DIXDC1: variants seen among roughly 807,000 people sequenced by gnomAD.
The protein encoded by DIXDC1 is DIX domain containing 1, also known as dixin.
Under a neutral mutation model 103.1 loss-of-function variants are expected in DIXDC1, and 64 were observed. That is an observed-to-expected ratio of 0.62 (90% CI 0.51 to 0.76). The LOEUF (loss-of-function observed/expected upper bound fraction) is 0.76. DIXDC1 is among the 30% of genes least tolerant of loss of function. The pLI is 0.00. For missense variants in DIXDC1, 759 were observed against 834.2 expected, an observed-to-expected ratio of 0.91 and a Z score of 1.11; for synonymous variants, 266 against 298.5, an observed-to-expected ratio of 0.89 and a Z score of 1.12.
intron 17 of DIXDC1, 197 bp downstream of exon 17, chr11:111,996,343 T>G: frequency 4.3e-6 from 2 of 466,620 alleles, no homozygotes; most frequent in South Asian, 5.8e-5. Context: ...CAGTGCCATT[T>G]AGCCACGTGC....
At chr11:112,002,987 C>T (rs1861116029) in intron 17 of DIXDC1, among the ~76,000 whole-genome samples, 1 of 152,038 alleles carries the variant, frequency 6.6e-6, no homozygotes, top group African/African-American at 2.4e-5. Context: ...AAGCCAGGCA[C>T]AGAAAGACAA....
At chr11:111,948,015 G>T (rs1452810945) in intron 1 of DIXDC1, among the ~76,000 whole-genome samples, 1 of 152,118 alleles carries the variant, frequency 6.6e-6, no homozygotes, top group Non-Finnish European at 1.5e-5. Context: ...TAAAAAAAGA[G>T]AAAAGAATGA....
At chr11:111,973,973 C>G in intron 3 of DIXDC1, 50 bp from the exon 4 acceptor site, 1 of 1,581,596 alleles carries the variant, frequency 6.3e-7, no homozygotes, top group African/African-American at 1.3e-5. Flanking sequence ...TTTTGCCTCC[C>G]TCTTAGGACC....
rs1861649304 is a variant in DIXDC1, at chr11:112,017,986, A to C, written c.1971+101A>C. ...TGTCCAGAAGTACATGAGTTCCCTGACTAGGTCAGAAGAATTTGCCAGAGC... is the reference window on the plus strand; with the variant it reads ...TGTCCAGAAGTACATGAGTTCCCTGCCTAGGTCAGAAGAATTTGCCAGAGC... On this transcript the variant is annotated intron_variant, in intron 19 of 19. Coordinates refer to ENST00000440460, the MANE Select transcript of DIXDC1 (RefSeq NM_001037954.4). This position sits in a 1 kb window ranked among gnomAD's most constrained non-coding sequence, Gnocchi z 4.0. The C allele has an allele frequency of 1.1e-6, 1 of 882,370 alleles. No individual in the cohort carries two copies. The highest frequency in any genetic ancestry group is 1.7e-6 in the Non-Finnish European group (1 of 577,638). 54.7% of individuals were successfully genotyped at this position (882,370 alleles called of 1,614,324 possible). A position where few individuals can be genotyped will look rare whatever the true frequency, so the allele number is the denominator to read the frequency against.
intron 5 of DIXDC1, 78 bp from the exon 6 acceptor site, chr11:111,980,659 T>C: frequency 1.7e-6 from 2 of 1,199,928 alleles, no homozygotes. Context: ...GTCCCTGTTC[T>C]CAGGAATAAA....
chr11:111,962,126 G>T (rs2137502850), intron 1 of DIXDC1, among the ~76,000 whole-genome samples: 1 of 152,280 alleles, frequency 6.6e-6, no homozygotes, highest in Non-Finnish European at 1.5e-5. Context: ...ATCAGAGTCT[G>T]TGGTATCTGA....
At chr11:111,971,024 A>G (rs906430572) in intron 3 of DIXDC1, among the ~76,000 whole-genome samples, 3 of 152,246 alleles carry the variant, frequency 2.0e-5, no homozygotes, top group African/African-American at 7.2e-5. Context: ...TAAAAATCCT[A>G]GAAGAAAACC....
At chr11:111,939,696 A>G (rs1966353982) in intron 1 of DIXDC1, among the ~76,000 whole-genome samples, 1 of 152,226 alleles carries the variant, frequency 6.6e-6, no homozygotes, top group African/African-American at 2.4e-5. Context: ...TATATTAAAT[A>G]ATTCATTTTA....
intron 7 of DIXDC1, among the ~76,000 whole-genome samples, chr11:111,984,695 T>C (rs964112550): frequency 3.3e-5 from 5 of 152,226 alleles, no homozygotes; most frequent in African/African-American, 9.6e-5. Flanking sequence ...GGTCAGGAGC[T>C]GAAATGAATG....
At chr11:111,964,156 T>A (rs1348519299) in intron 1 of DIXDC1, among the ~76,000 whole-genome samples, 1 of 152,222 alleles carries the variant, frequency 6.6e-6, no homozygotes, top group Non-Finnish European at 1.5e-5. Flanking sequence ...TAATTGTTTC[T>A]GAGAAGTGCG....
At chr11:111,951,646 A>G (rs587606312) in intron 1 of DIXDC1, among the ~76,000 whole-genome samples, 17 of 152,260 alleles carry the variant, frequency 1.1e-4, no homozygotes, top group East Asian at 3.9e-4. Context: ...GTGGGACCCA[A>G]TGGGAGGTAA....
At position 111,974,233 on chromosome 11, in the gene DIXDC1, A is replaced by G; in HGVS notation, c.527A>G (p.Asp176Gly). Reference sequence around the variant, plus strand: ...CATGACATGTCCCGATCAGGACGGGATGTCTTTCGATATAGACAGAGGTAA... The same window carrying G: ...CATGACATGTCCCGATCAGGACGGGGTGTCTTTCGATATAGACAGAGGTAA... Reference protein sequence around the residue: ...VCHDMSRSGRDVFRYRQRNSS... With the variant: ...VCHDMSRSGRGVFRYRQRNSS... The change falls in exon 4 of 20, where the codon GAT (aspartate) becomes GGT (glycine). Residue 176 changes from aspartate (D) to glycine (G), a missense_variant. Transcript: ENST00000440460. 2 of 1,613,494 alleles carry G rather than the reference A, an allele frequency of 1.2e-6. No individual in the cohort carries two copies. The highest frequency in any genetic ancestry group is 1.1e-5 in the South Asian group (1 of 90,914).
chr11:111,957,512 G>A (rs1181681668), intron 1 of DIXDC1, among the ~76,000 whole-genome samples: 1 of 152,194 alleles, frequency 6.6e-6, no homozygotes, highest in Non-Finnish European at 1.5e-5. Flanking sequence ...AGATGTATTG[G>A]CATCATGTGC....
In DIXDC1 at chr11:111,996,183, A is replaced by G. The variant is rs781917914; in HGVS notation, c.1756+37A>G. The G allele has an allele frequency of 2.6e-6, 4 of 1,554,738 alleles. No individual in the cohort carries two copies. The Admixed American group carries it at 7.9e-5, about 31-fold the overall frequency. ...TTTTTGCTCAGTAGGGACTCCTAGC[A>G]TATTAGACCAGAAATTTAGTATTTT... On this transcript the variant is annotated intron_variant, in intron 17 of 19. Coordinates refer to ENST00000440460, the MANE Select transcript of DIXDC1 (RefSeq NM_001037954.4).
chr11:111,934,579 C>T (rs191354425), upstream of DIXDC1, among the ~76,000 whole-genome samples: 1 of 152,326 alleles, frequency 6.6e-6, no homozygotes, highest in East Asian at 1.9e-4. Flanking sequence ...GTTCTTGTAG[C>T]TAGCCCTCAT....
intron 14 of DIXDC1, 105 bp downstream of exon 14, chr11:111,993,845 G>T: frequency 7.8e-7 from 1 of 1,285,270 alleles, no homozygotes; most frequent in Non-Finnish European, 1.1e-6. Flanking sequence ...TTGTTAGGAG[G>T]CTCTATGATG....
At chr11:112,016,129 A>C (rs2137646041) in intron 17 of DIXDC1, 1 of 152,184 alleles carries the variant, frequency 6.6e-6, no homozygotes, top group East Asian at 1.9e-4. Flanking sequence ...CTTAAAAAAA[A>C]AAAAAAGTTT....
intron 17 of DIXDC1, among the ~76,000 whole-genome samples, chr11:112,009,421 C>T (rs1861342848): frequency 6.6e-6 from 1 of 152,162 alleles, no homozygotes; most frequent in African/African-American, 2.4e-5. Context: ...CTATTCCAAT[C>T]AACAGAAAAG....
chr11:111,994,612 ATGTATG>A (rs1566549902), intron 14 of DIXDC1, among the ~76,000 whole-genome samples: 1 of 151,256 alleles, frequency 6.6e-6, no homozygotes, highest in African/African-American at 2.4e-5. Context: ...ATGTATGTAT[ATGTATG>A]TGTATATATA....
Sources: gnomAD v4.1 joint callset for allele counts (sites outside exome capture counted in the v4.1 genomes callset) on GRCh38, gnomAD v4.1.1 for gene constraint, Gnocchi (gnomAD v3.1) non-coding constraint, MANE v1.5 for transcripts, NCBI Gene and HGNC (gene_info 2026-07-23, HGNC 2026-07-21) for gene names.